BCAS1: variants seen among roughly 807,000 people sequenced by gnomAD.
BCAS1 encodes the protein breast carcinoma-amplified sequence 1.
BCAS1 carries 46 observed loss-of-function variants against 65.4 expected under a neutral mutation model. That is an observed-to-expected ratio of 0.70 (90% confidence interval 0.55 to 0.90). BCAS1 has a LOEUF of 0.90. Among genes scored for constraint, BCAS1 ranks in the 40% least tolerant of loss-of-function variants. The pLI, the probability that BCAS1 is intolerant of heterozygous loss-of-function variation, is 0.00. For synonymous variants in BCAS1, 298 were observed against 293.5 expected (o/e 1.02, Z -0.16); for missense variants, 793 against 771.2 (o/e 1.03, Z -0.33).
rs1421964429 is a variant in BCAS1, at chr20:54,028,875, A to G, written c.240T>C (p.Leu80=). The stretch of plus-strand genomic sequence containing the variant: ...GTGCCTCGGGTTTGGCCTCTTTCCC[A>G]AGATTCTTTCCGTTGGCATCCGCAA... ...SAVADANGKN[L]GKEAKPEAPA... is the part of the protein sequence containing the mutation. The change falls in exon 4 of 13, where the codon CTT becomes CTC. Residue 80 remains leucine, a synonymous_variant. Coordinates refer to ENST00000688948, the MANE Select transcript of BCAS1 (RefSeq NM_001366298.2). 6.2e-7 allele frequency: 1 copy of G among 1,613,734 alleles called. No individual in the cohort carries two copies. Among genetic ancestry groups the G allele is most frequent in the Non-Finnish European group, 8.5e-7 (1 of 1,180,006 alleles).
chr20:54,025,065 C>A (rs1429132002), intron 4 of BCAS1, among the ~76,000 whole-genome samples: 2 of 152,164 alleles, frequency 1.3e-5, no homozygotes, highest in Middle Eastern at 3.4e-3. Context: ...AAGGTTAGTG[C>A]GAAAGTAACG....
At chr20:53,971,511 G>A (rs1459318036) in intron 9 of BCAS1, among the ~76,000 whole-genome samples, 1 of 152,246 alleles carries the variant, frequency 6.6e-6, no homozygotes, top group African/African-American at 2.4e-5. Flanking sequence ...GCATGTGAAT[G>A]CATTTCAGTC....
intron 7 of BCAS1, among the ~76,000 whole-genome samples, chr20:53,989,290 A>G (rs191694215): frequency 9.8e-5 from 15 of 152,324 alleles, no homozygotes; most frequent in African/African-American, 3.6e-4. Context: ...GAGGATATCC[A>G]GAAACCCTTC....
At chr20:54,047,760 A>C (rs1006707470) in intron 3 of BCAS1, among the ~76,000 whole-genome samples, 1 of 152,250 alleles carries the variant, frequency 6.6e-6, no homozygotes, top group Non-Finnish European at 1.5e-5. Context: ...GCACAGATTT[A>C]TAGAAATGAA....
intron 1 of BCAS1, among the ~76,000 whole-genome samples, chr20:54,067,007 A>G (rs1284595883): frequency 1.3e-5 from 2 of 152,278 alleles, no homozygotes. Context: ...CATGGAATAG[A>G]AAATATTTCC....
At chr20:53,986,292 A>T (rs1200152621) in intron 7 of BCAS1, among the ~76,000 whole-genome samples, 1 of 151,808 alleles carries the variant, frequency 6.6e-6, no homozygotes, top group African/African-American at 2.4e-5. Flanking sequence ...GAGCAGCTGC[A>T]CTGAAGTCCA....
intron 1 of BCAS1, among the ~76,000 whole-genome samples, chr20:54,065,529 G>A (rs1047008001): frequency 6.6e-6 from 1 of 152,190 alleles, no homozygotes; most frequent in Non-Finnish European, 1.5e-5. Context: ...ACCCTGCAAT[G>A]CCAAGGACCG....
At chr20:54,027,392 GGC>G (rs1568892993) in intron 4 of BCAS1, among the ~76,000 whole-genome samples, 2 of 152,162 alleles carry the variant, frequency 1.3e-5, no homozygotes, top group Admixed American at 6.5e-5. Context: ...AGTAGAGCCT[GGC>G]ACATTGAACA....
intron 3 of BCAS1, among the ~76,000 whole-genome samples, chr20:54,042,386 C>A (rs947497426): frequency 1.3e-5 from 2 of 152,030 alleles, no homozygotes; most frequent in Non-Finnish European, 2.9e-5. Context: ...TAATCTGAAC[C>A]TAGATAAAAG....
At chr20:53,962,143 C>G (rs184329474) in intron 10 of BCAS1, among the ~76,000 whole-genome samples, 125 of 152,316 alleles carry the variant, frequency 8.2e-4, no homozygotes, top group Admixed American at 8.1e-3. Context: ...CATTTTAATG[C>G]TCAGAGAAGA....
intron 12 of BCAS1, among the ~76,000 whole-genome samples, chr20:53,948,332 C>T (rs1038830156): frequency 3.3e-5 from 5 of 152,074 alleles, no homozygotes; most frequent in African/African-American, 1.2e-4. Flanking sequence ...AATAGATGAA[C>T]TTGTACAAGC....
At chr20:54,044,888 T>C (rs2092071393) in intron 3 of BCAS1, among the ~76,000 whole-genome samples, 1 of 151,692 alleles carries the variant, frequency 6.6e-6, no homozygotes, top group Non-Finnish European at 1.5e-5. Flanking sequence ...AAATAACTTT[T>C]AATATTGGAT....
At chr20:53,953,770 A>G (rs1600695901) in intron 11 of BCAS1, 75 bp from the exon 12 acceptor site, 3 of 1,485,816 alleles carry the variant, frequency 2.0e-6, no homozygotes, top group African/African-American at 2.8e-5. Flanking sequence ...TAAATATGTT[A>G]AAACAGAGAT....
chr20:54,067,604 A>G (rs1277215956), intron 1 of BCAS1, among the ~76,000 whole-genome samples: 1 of 152,160 alleles, frequency 6.6e-6, no homozygotes, highest in Non-Finnish European at 1.5e-5. Context: ...CCTCTTTTAC[A>G]CAGTGATTGA....
At chr20:54,060,230 C>G (rs768172973) in intron 1 of BCAS1, among the ~76,000 whole-genome samples, 2 of 152,152 alleles carry the variant, frequency 1.3e-5, no homozygotes, top group Non-Finnish European at 2.9e-5. Context: ...ATGCTTGTGA[C>G]GTGGTTAGAA....
intron 4 of BCAS1, among the ~76,000 whole-genome samples, chr20:53,997,664 C>T (rs757689170): frequency 1.3e-5 from 2 of 151,982 alleles, no homozygotes; most frequent in Admixed American, 1.3e-4. Flanking sequence ...AATATTCTTG[C>T]AAAAAATGAG....
intron 11 of BCAS1, among the ~76,000 whole-genome samples, chr20:53,956,419 C>T (rs1482679214): frequency 6.6e-6 from 1 of 152,210 alleles, no homozygotes; most frequent in Non-Finnish European, 1.5e-5. Context: ...ACAAGAACTG[C>T]AAGAAAATAA....
intron 1 of BCAS1, among the ~76,000 whole-genome samples, chr20:54,064,618 G>T (rs900682072): frequency 4.6e-5 from 7 of 152,178 alleles, no homozygotes; most frequent in Non-Finnish European, 8.8e-5. Flanking sequence ...GTGGGTGGAG[G>T]CTGCCCTCCG....
At chr20:54,010,851 T>G (rs1428716601) in intron 4 of BCAS1, among the ~76,000 whole-genome samples, 1 of 152,170 alleles carries the variant, frequency 6.6e-6, no homozygotes, top group Non-Finnish European at 1.5e-5. Context: ...ATAGCTACAG[T>G]AAGCAAGGCT....
Sources: gnomAD v4.1 joint callset for allele counts (sites outside exome capture counted in the v4.1 genomes callset) on GRCh38, gnomAD v4.1.1 for gene constraint, MANE v1.5 for transcripts, NCBI Gene and HGNC (gene_info 2026-07-23, HGNC 2026-07-21) for gene names.